The following ATP2C2 variants were observed in gnomAD, a reference collection of about 807,000 sequenced individuals.
ATP2C2 encodes calcium-transporting ATPase type 2C member 2.
ATP2C2 carries 171 observed loss-of-function variants against 110.8 expected under a neutral mutation model. The ratio of observed to expected loss-of-function variants is 1.54; its 90% CI spans 1.36 to 1.75. The LOEUF is 1.75. Among genes scored for constraint, ATP2C2 ranks in the 40% most tolerant of loss-of-function variants. The pLI is 0.00. For synonymous variants in ATP2C2, 804 were observed against 508.4 expected (o/e 1.58, Z -7.82); for missense variants, 1,963 against 1,235.0 (o/e 1.59, Z -8.84).
intron 6 of ATP2C2, 35 bp downstream of exon 6, chr16:84,410,800 C>T: frequency 3.8e-6 from 6 of 1,589,046 alleles, no homozygotes; most frequent in Non-Finnish European, 5.2e-6. Context: ...TTTTGGTTCA[C>T]TGGAGGAGCC....
intron 1 of ATP2C2, among the ~76,000 whole-genome samples, chr16:84,385,247 G>A (rs1904303469): frequency 6.6e-6 from 1 of 152,138 alleles, no homozygotes; most frequent in African/African-American, 2.4e-5. Flanking sequence ...GAGCAAGAGA[G>A]AGAGCAGGGG....
At chr16:84,404,234 T>C (rs1429030937) in intron 2 of ATP2C2, among the ~76,000 whole-genome samples, 2 of 152,214 alleles carry the variant, frequency 1.3e-5, no homozygotes, top group Non-Finnish European at 2.9e-5. Context: ...TGGGACCCTC[T>C]CATGGGAGGG....
rs554033107 is a variant in ATP2C2 at position 84,433,399 on chromosome 16, A to T, written c.987-5767A>T. Among the ~76,000 whole-genome samples the T allele has an allele frequency of 5.9e-5, 8 of 134,830 alleles. No homozygotes were observed. In the South Asian group the frequency reaches 1.9e-3, roughly 32 times the overall value. The allele number at this position is 134,830 out of a possible 152,430, so 88.5% of individuals were successfully genotyped here. A position where few individuals can be genotyped will look rare whatever the true frequency, so the allele number is the denominator to read the frequency against. Reference sequence around the variant, plus strand: ...CCCTATCTTAAAAAACAAAAACAAAAGAAAACCAAAAAACCAAAAAAATCT... The same window carrying T: ...CCCTATCTTAAAAAACAAAAACAAATGAAAACCAAAAAACCAAAAAAATCT... On this transcript the variant is annotated intron_variant, in intron 11 of 26. Transcript: ENST00000262429.
At position 84,452,199 on chromosome 16, in the gene ATP2C2, G is replaced by A. The variant is rs928460905; in HGVS notation, c.1831+108G>A. The A allele has an allele frequency of 2.5e-5, 34 of 1,357,198 alleles. No homozygotes were observed. In the Admixed American group the frequency reaches 4.6e-4, roughly 18 times the overall value. 84.1% of individuals were successfully genotyped at this position (1,357,198 alleles called of 1,614,324 possible). Reference sequence around the variant, plus strand: ...CGCAAACTCGGTCAGGAGTGCTCACGCCTAGCCCTACAGGCTTAGAAAAGA... The same window carrying A: ...CGCAAACTCGGTCAGGAGTGCTCACACCTAGCCCTACAGGCTTAGAAAAGA... On this transcript the variant is annotated intron_variant, in intron 18 of 26. Transcript: ENST00000262429.
At chr16:84,403,553 C>G (rs936399846) in intron 2 of ATP2C2, among the ~76,000 whole-genome samples, 1 of 152,160 alleles carries the variant, frequency 6.6e-6, no homozygotes, top group Non-Finnish European at 1.5e-5. Flanking sequence ...AGCAATCTCC[C>G]CACCTCAACC....
At chr16:84,444,658 A>G (rs1245840942) in intron 15 of ATP2C2, among the ~76,000 whole-genome samples, 2 of 152,228 alleles carry the variant, frequency 1.3e-5, no homozygotes, top group African/African-American at 4.8e-5. Flanking sequence ...CCTGGCAGGA[A>G]TGACACCCAT....
chr16:84,435,838 T>TGG (rs1908689743), intron 11 of ATP2C2, among the ~76,000 whole-genome samples: 3 of 117,470 alleles, frequency 2.6e-5, no homozygotes, highest in Non-Finnish European at 3.7e-5. Flanking sequence ...AAAAAAAAAA[T>TGG]AAAAAACAGG....
chr16:84,407,651 T>C (rs1436698247), intron 3 of ATP2C2, among the ~76,000 whole-genome samples: 1 of 152,044 alleles, frequency 6.6e-6, no homozygotes, highest in Admixed American at 6.5e-5. Flanking sequence ...TTTCATTTTT[T>C]TGTAAAGATG....
chr16:84,432,456 G>T (rs7193536), intron 11 of ATP2C2, among the ~76,000 whole-genome samples: 45,985 of 151,278 alleles, frequency 0.3, 7,282 homozygotes, highest in East Asian at 0.48. Context: ...CCTGGGTGTG[G>T]ATGTCCCCCT....
chr16:84,439,901 C>A (rs1446580030), intron 13 of ATP2C2, among the ~76,000 whole-genome samples: 1 of 152,220 alleles, frequency 6.6e-6, no homozygotes, highest in Non-Finnish European at 1.5e-5. Context: ...AGTGGCTGAT[C>A]TCTGCTCACT....
chr16:84,393,587 T>G (rs945702668), intron 1 of ATP2C2, among the ~76,000 whole-genome samples: 12 of 152,118 alleles, frequency 7.9e-5, no homozygotes, highest in African/African-American at 2.7e-4. Flanking sequence ...AGCTCGATGT[T>G]GGCAAATGAG....
intron 21 of ATP2C2, among the ~76,000 whole-genome samples, chr16:84,455,211 C>T (rs188548913): frequency 4.9e-4 from 75 of 152,106 alleles, no homozygotes; most frequent in African/African-American, 1.6e-3. Flanking sequence ...CACATGCTGC[C>T]CCCAGGGGAA....
intron 18 of ATP2C2, among the ~76,000 whole-genome samples, 191 bp downstream of exon 18, chr16:84,452,282 T>G (rs1218145214): frequency 6.6e-6 from 1 of 152,184 alleles, no homozygotes; most frequent in African/African-American, 2.4e-5. Context: ...TTCTGAAATG[T>G]TGGCAGGTTC....
chr16:84,381,646 G>C (rs1264077734), intron 1 of ATP2C2, among the ~76,000 whole-genome samples: 5 of 152,218 alleles, frequency 3.3e-5, no homozygotes, highest in Admixed American at 2.0e-4. Context: ...ATAGATTCAT[G>C]CTGGGCACAC....
intron 15 of ATP2C2, among the ~76,000 whole-genome samples, chr16:84,443,925 A>AAT (rs1285223727): frequency 5.3e-5 from 8 of 152,144 alleles, no homozygotes; most frequent in Non-Finnish European, 8.8e-5. Flanking sequence ...CCAGCACTTT[A>AAT]AGAGGCTAAG....
At chr16:84,463,221 T>C (rs1311675209) in intron 26 of ATP2C2, among the ~76,000 whole-genome samples, 2 of 114,870 alleles carry the variant, frequency 1.7e-5, no homozygotes, top group Non-Finnish European at 4.3e-5. Flanking sequence ...CGCTGGGAAT[T>C]CATCCCAGGG....
chr16:84,402,639 A>T (rs904035200), intron 2 of ATP2C2, among the ~76,000 whole-genome samples: 2 of 152,134 alleles, frequency 1.3e-5, no homozygotes, highest in Non-Finnish European at 2.9e-5. Flanking sequence ...CTTGGGATAA[A>T]TTCCTTTTGG....
intron 1 of ATP2C2, among the ~76,000 whole-genome samples, chr16:84,397,676 T>A (rs1905080597): frequency 2.2e-5 from 1 of 45,200 alleles, no homozygotes; most frequent in Non-Finnish European, 6.2e-5. Flanking sequence ...AAAAAAAACT[T>A]GCTTAAAAAT....
intron 20 of ATP2C2, among the ~76,000 whole-genome samples, chr16:84,454,378 G>A (rs1487325835): frequency 6.6e-6 from 1 of 152,136 alleles, no homozygotes; most frequent in Non-Finnish European, 1.5e-5. Flanking sequence ...TTTAGTAGAC[G>A]GGCTTTCTTC....
Sources: allele counts gnomAD v4.1 joint callset (sites outside exome capture counted in the v4.1 genomes callset), GRCh38; gene constraint gnomAD v4.1.1; transcripts MANE v1.5; gene names NCBI Gene and HGNC (gene_info 2026-07-23, HGNC 2026-07-21).